Variants in ZNF141 observed in about 807,000 individuals in gnomAD.
The protein encoded by ZNF141 is zinc finger protein 141 (clone pHZ-44).
In ZNF141, 7 loss-of-function variants were observed where a neutral mutation model predicts 11.3. The observed-to-expected ratio is 0.62, with a 90% confidence interval of 0.35 to 1.16. ZNF141 has a LOEUF of 1.16. ZNF141 is among the 50% of genes most tolerant of loss of function. The probability of loss-of-function intolerance (pLI) is 0.02; values close to 1 mark genes in which losing one functional copy is unlikely to be tolerated. For missense variants in ZNF141, 535 were observed against 554.0 expected, an observed-to-expected ratio of 0.97 and a Z score of 0.34; for synonymous variants, 183 against 190.7, an observed-to-expected ratio of 0.96 and a Z score of 0.33.
Position 374,388 on chromosome 4 carries a change from G to A in ZNF141, c.*526G>A. 1 of 358,600 alleles carries A rather than the reference G, an allele frequency of 2.8e-6. No homozygotes were observed. The highest frequency in any genetic ancestry group is 2.3e-5 in the South Asian group (1 of 42,760). 22.2% of individuals were successfully genotyped at this position (358,600 alleles called of 1,614,324 possible). On this transcript the variant is annotated 3_prime_UTR_variant, in exon 4 of 4. Coordinates refer to ENST00000240499, the MANE Select transcript of ZNF141 (RefSeq NM_003441.4). ...AAAATGCTTCACATGCGAAGAATGT[G>A]GCACAGTCTTTACCACATCCTCAAA...
At chr4:343,395 C>G (rs548428871) in intron 1 of ZNF141, among the ~76,000 whole-genome samples, 1 of 152,250 alleles carries the variant, frequency 6.6e-6, no homozygotes, top group African/African-American at 2.4e-5. Flanking sequence ...TCAGAACTAG[C>G]GCTCTCAACT....
In ZNF141 at chr4:351,097, T is replaced by C. The variant is rs1337944579; in HGVS notation, c.226+6667T>C. Among the ~76,000 whole-genome samples, 5 of 151,992 alleles carry C rather than the reference T, an allele frequency of 3.3e-5. No individual in the cohort carries two copies. In the South Asian group the frequency reaches 1.0e-3, roughly 32 times the overall value. On this transcript the variant is annotated intron_variant, in intron 3 of 3. Coordinates refer to ENST00000240499, the MANE Select transcript of ZNF141 (RefSeq NM_003441.4). ...TGTGGCACCTCCCCTCTCACTCTTG[T>C]CTTGCTCCTGTTCCCACTGTGTGAG...
chr4:371,987 A>G (rs1712088819), intron 3 of ZNF141, among the ~76,000 whole-genome samples: 1 of 152,230 alleles, frequency 6.6e-6, no homozygotes, highest in African/African-American at 2.4e-5. Context: ...TCTGAAACCA[A>G]TTGTCCTTGA....
rs1178056471 is a variant in ZNF141, at chr4:376,233, AT to A, written c.*2373del. Among the ~76,000 whole-genome samples, 1 of 152,040 alleles carries A rather than the reference AT, an allele frequency of 6.6e-6. No homozygotes were observed. Among genetic ancestry groups the A allele is most frequent in the Non-Finnish European group, 1.5e-5 (1 of 67,898 alleles). On this transcript the variant is annotated 3_prime_UTR_variant, in exon 4 of 4. Transcript: ENST00000240499. ...AACATAGTTGAATGACATTTTTAGT[AT>A]TCTCTTTTTCCAGTGGCTTTAAATA...
intron 1 of ZNF141, among the ~76,000 whole-genome samples, chr4:341,377 A>T (rs1439102403): frequency 6.6e-6 from 1 of 152,154 alleles, no homozygotes; most frequent in African/African-American, 2.4e-5. Context: ...GTGAGTTTTG[A>T]TGCCATTATG....
Position 382,487 on chromosome 4 carries a change from A to T in ZNF141, c.*8625A>T, listed in dbSNP as rs1712707008. On this transcript the variant is annotated 3_prime_UTR_variant, in exon 4 of 4. Coordinates refer to ENST00000240499, the MANE Select transcript of ZNF141 (RefSeq NM_003441.4). ...TCATAAATAGTCAACAAATGCAAAA[A>T]ATGCAAAGAATTTGTAGGTATGATT... 1 of 152,232 alleles carries T rather than the reference A, an allele frequency of 6.6e-6. No homozygotes were observed. The highest frequency in any genetic ancestry group is 2.1e-4 in the South Asian group (1 of 4,834). The allele number at this position is 152,232 out of a possible 1,614,324, so 9.4% of individuals were successfully genotyped here.
rs782745731 is a variant in ZNF141, at chr4:350,198, A to G, written c.226+5768A>G. On this transcript the variant is annotated intron_variant, in intron 3 of 3. Coordinates refer to ENST00000240499, the MANE Select transcript of ZNF141 (RefSeq NM_003441.4). ...CTCAGTGTGCCATTTCCTTGTCTGTAGCCATGTCTATGGGCTCTTGAGTTG... is the reference window on the plus strand; with the variant it reads ...CTCAGTGTGCCATTTCCTTGTCTGTGGCCATGTCTATGGGCTCTTGAGTTG... The G allele has an allele frequency of 7.5e-6, 4 of 534,674 alleles. No individual in the cohort carries two copies. In the African/African-American group the frequency reaches 7.7e-5, roughly 10 times the overall value. 33.1% of individuals were successfully genotyped at this position (534,674 alleles called of 1,614,324 possible). A position where few individuals can be genotyped will look rare whatever the true frequency, so the allele number is the denominator to read the frequency against.
At position 373,643 on chromosome 4, in the gene ZNF141, A is replaced by G. The variant is rs530690402; in HGVS notation, c.1206A>G (p.Lys402=). Residue 402 remains lysine, a synonymous_variant, in exon 4 of 4, where the codon AAA becomes AAG. Coordinates refer to ENST00000240499, the MANE Select transcript of ZNF141 (RefSeq NM_003441.4). ...EKPYKCEECG[K]AFRRSTDRSQ... is the part of the protein sequence containing the mutation. Reference sequence around the variant, plus strand: ...CCTACAAATGTGAAGAATGTGGCAAAGCCTTTAGACGGTCCACAGATCGGA... The same window carrying G: ...CCTACAAATGTGAAGAATGTGGCAAGGCCTTTAGACGGTCCACAGATCGGA... 3.1e-6 allele frequency: 5 copies of G among 1,614,210 alleles called. No individual in the cohort carries two copies. The highest frequency in any genetic ancestry group is 1.7e-5 in the Admixed American group (1 of 60,028).
At chr4:359,489 G>A (rs1345491340) in intron 3 of ZNF141, among the ~76,000 whole-genome samples, 2 of 152,144 alleles carry the variant, frequency 1.3e-5, no homozygotes, top group Non-Finnish European at 1.5e-5. Flanking sequence ...TCATAGGGCT[G>A]CTTCAGGATA....
Position 374,225 on chromosome 4 carries a change from G to A in ZNF141, c.*363G>A, listed in dbSNP as rs182124618. ...GGAAGCCCTACACATGTGGCAGAAT[G>A]TGGCAAAGCATTTAATTGGTCCTCA... On this transcript the variant is annotated 3_prime_UTR_variant, in exon 4 of 4. Transcript: ENST00000240499. 2.0e-4 allele frequency: 64 copies of A among 313,228 alleles called. No homozygotes were observed. Among genetic ancestry groups the A allele is most frequent in the African/African-American group, 1.3e-3 (62 of 46,180 alleles). 19.4% of individuals were successfully genotyped at this position (313,228 alleles called of 1,614,324 possible).
At chr4:358,927 T>C (rs1479308027) in intron 3 of ZNF141, among the ~76,000 whole-genome samples, 4 of 152,220 alleles carry the variant, frequency 2.6e-5, no homozygotes, top group Non-Finnish European at 4.4e-5. Context: ...AGACATTTTC[T>C]AGATCTGTGT....
chr4:343,501 G>A (rs1277467752), intron 1 of ZNF141, among the ~76,000 whole-genome samples: 5 of 151,902 alleles, frequency 3.3e-5, no homozygotes, highest in East Asian at 1.9e-4. Flanking sequence ...CGAGGAGGGC[G>A]GATCACAAGG....
At chr4:345,103 T>G (rs1273933635) in intron 3 of ZNF141, among the ~76,000 whole-genome samples, 6 of 152,142 alleles carry the variant, frequency 3.9e-5, no homozygotes, top group African/African-American at 1.4e-4. Flanking sequence ...AAGTATTCTT[T>G]TCGTATTATG....
rs1387586184 is a variant in ZNF141 at position 373,756 on chromosome 4, A to G, written c.1319A>G (p.Gln440Arg). The G allele has an allele frequency of 6.2e-7, 1 of 1,614,070 alleles. No individual in the cohort carries two copies. The highest frequency in any genetic ancestry group is 1.3e-5 in the African/African-American group (1 of 74,944). The change falls in exon 4 of 4, where the codon CAA (glutamine) becomes CGA (arginine). Residue 440 changes from glutamine (Q) to arginine (R), a missense_variant. Transcript: ENST00000240499. ...KAFKQFSLLSQHKKIHTVDKP... is the reference protein window; with the variant it reads ...KAFKQFSLLSRHKKIHTVDKP... ...TTTAAACAATTTTCGCTCCTGAGTC[A>G]ACATAAGAAAATTCATACTGTAGAT...
intron 1 of ZNF141, among the ~76,000 whole-genome samples, chr4:339,793 C>G (rs1308619710): frequency 6.6e-6 from 1 of 152,148 alleles, no homozygotes; most frequent in East Asian, 1.9e-4. Flanking sequence ...TAACCTATTC[C>G]GCAATTTCTG....
chr4:367,149 CA>C (rs1269355148), intron 3 of ZNF141, among the ~76,000 whole-genome samples: 5 of 152,056 alleles, frequency 3.3e-5, no homozygotes, highest in Non-Finnish European at 7.3e-5. Flanking sequence ...AGATCTGGAA[CA>C]GGACAAGTAT....
Position 372,644 on chromosome 4 carries a change from G to T in ZNF141, c.227-20G>T, listed in dbSNP as rs782742170. On this transcript the variant is annotated intron_variant, in intron 3 of 3. Coordinates refer to ENST00000240499, the MANE Select transcript of ZNF141 (RefSeq NM_003441.4). The stretch of plus-strand genomic sequence containing the variant: ...ATGAATCTACTAAGTGGGATAATTT[G>T]TAATTTTTATTTCTTTCAGCTATGT... 1 of 1,476,126 alleles carries T rather than the reference G, an allele frequency of 6.8e-7. No homozygotes were observed. Among genetic ancestry groups the T allele is most frequent in the Non-Finnish European group, 9.0e-7 (1 of 1,106,668 alleles). The allele number at this position is 1,476,126 out of a possible 1,614,324, so 91.4% of individuals were successfully genotyped here. A position where few individuals can be genotyped will look rare whatever the true frequency, so the allele number is the denominator to read the frequency against.
intron 3 of ZNF141, among the ~76,000 whole-genome samples, chr4:351,974 A>C (rs1721625706): frequency 6.6e-6 from 1 of 152,158 alleles, no homozygotes. Flanking sequence ...GTAGGTAAGA[A>C]GTGAGTTTAT....
chr4:343,019 GCATGATTAAAAAAGTATTAAAAAAGTTCC>G, intron 1 of ZNF141: 1 of 630,862 alleles, frequency 1.6e-6, no homozygotes, highest in Non-Finnish European at 2.3e-6. Flanking sequence ...AAAGTTCCTT[GCATGATTAAAAAAGTATTAAAAAAGTTCC>G]TTGCATGATT....
Sources: gnomAD v4.1 joint callset for allele counts (sites outside exome capture counted in the v4.1 genomes callset) on GRCh38, gnomAD v4.1.1 for gene constraint, MANE v1.5 for transcripts, NCBI Gene and HGNC (gene_info 2026-07-23, HGNC 2026-07-21) for gene names.